PRKN: variants seen among roughly 807,000 people sequenced by gnomAD.
PRKN encodes the protein E3 ubiquitin-protein ligase parkin.
A neutral mutation model predicts 59.5 loss-of-function variants in PRKN; 56 were observed. The ratio of observed to expected loss-of-function variants is 0.94; its 90% confidence interval spans 0.76 to 1.18. The LOEUF is 1.18. Ranked by LOEUF, PRKN falls within the 50% of genes most tolerant of loss-of-function variation. PRKN has a pLI of 0.00. For missense variants in PRKN, 657 were observed against 596.4 expected, an observed-to-expected ratio of 1.10 and a Z score of -1.06; for synonymous variants, 250 against 222.1, an observed-to-expected ratio of 1.13 and a Z score of -1.12.
rs59889520 is a variant in PRKN at position 161,549,118 on chromosome 6, A to ATGTGTGTG, written c.934-123_934-116dup. ...TTAACCAGTTTCAGTAAAATAATGC[A>ATGTGTGTG]TGTGTGTGTGTGTGTGTGTGTGTAG... is the stretch of plus-strand genomic sequence containing the variant. On this transcript the variant is annotated intron_variant, in intron 8 of 11. Transcript: ENST00000366898. This position sits in a 1 kb window ranked among gnomAD's most constrained non-coding sequence, Gnocchi z 6.0. 16 of 873,220 alleles carry ATGTGTGTG rather than the reference A, an allele frequency of 1.8e-5. No homozygotes were observed. In the African/African-American group the frequency reaches 2.5e-4, roughly 14 times the overall value. The allele number at this position is 873,220 out of a possible 1,614,324, so 54.1% of individuals were successfully genotyped here. A position where few individuals can be genotyped will look rare whatever the true frequency, so the allele number is the denominator to read the frequency against.
chr6:161,438,508 G>A (rs972363965), intron 9 of PRKN, among the ~76,000 whole-genome samples: 4 of 151,980 alleles, frequency 2.6e-5, no homozygotes, highest in Non-Finnish European at 4.4e-5. Flanking sequence ...CAGCCACTGC[G>A]CCCGGCTGAA....
Position 162,584,777 on chromosome 6 carries a change from T to C in PRKN, c.8-141304A>G, listed in dbSNP as rs192777139. Among the ~76,000 whole-genome samples, 568 of 77,162 alleles carry C rather than the reference T, an allele frequency of 7.4e-3. 13 individuals are homozygous for C. Among genetic ancestry groups the C allele is most frequent in the Non-Finnish European group, 0.011 (400 of 36,896 alleles). The allele number at this position is 77,162 out of a possible 152,430, so 50.6% of individuals were successfully genotyped here. On this transcript the variant is annotated intron_variant, in intron 1 of 11. Coordinates refer to ENST00000366898, the MANE Select transcript of PRKN (RefSeq NM_004562.3). ...TTCTTTTCTTTCTCTTTTCTTTTCC[T>C]CTCCTCTCCTCTCCCCTCCCCTCCC...
chr6:162,244,303 A>T (rs923375072), intron 3 of PRKN, among the ~76,000 whole-genome samples: 1 of 152,054 alleles, frequency 6.6e-6, no homozygotes, highest in Non-Finnish European at 1.5e-5. Context: ...GGGCACATTC[A>T]ATCTTATTCT....
intron 6 of PRKN, among the ~76,000 whole-genome samples, chr6:161,848,537 C>T (rs547759567): frequency 6.6e-6 from 1 of 152,298 alleles, no homozygotes; most frequent in African/African-American, 2.4e-5. Context: ...ATAAAATCAA[C>T]TCCATCTATA....
chr6:162,317,897 G>GT (rs1312974468), intron 2 of PRKN, among the ~76,000 whole-genome samples: 4 of 151,370 alleles, frequency 2.6e-5, no homozygotes, highest in African/African-American at 7.3e-5. Context: ...TGGTTCTGAA[G>GT]TTTTTTTAAC....
At chr6:161,927,861 T>C (rs536786265) in intron 6 of PRKN, among the ~76,000 whole-genome samples, 12 of 152,118 alleles carry the variant, frequency 7.9e-5, no homozygotes, top group Non-Finnish European at 2.9e-5. Context: ...TTAGATAAAG[T>C]TACTGAAGAA....
Position 161,363,168 on chromosome 6 carries a change from G to C in PRKN, c.1168-2963C>G, listed in dbSNP as rs148750579. Among the ~76,000 whole-genome samples, 285 of 152,282 alleles carry C rather than the reference G, an allele frequency of 1.9e-3. 1 individual carries two copies. Among genetic ancestry groups the C allele is most frequent in the African/African-American group, 6.5e-3 (272 of 41,564 alleles). ...GAGGCAGGAGAAGTACCTGAACCTG[G>C]GGGGCAGAGGTTGCAGTGAGCCGAG... is the stretch of plus-strand genomic sequence containing the variant. On this transcript the variant is annotated intron_variant, in intron 10 of 11. Coordinates refer to ENST00000366898, the MANE Select transcript of PRKN (RefSeq NM_004562.3). This position sits in a 1 kb window ranked among gnomAD's most constrained non-coding sequence, Gnocchi z 4.1.
chr6:161,552,787 G>GTTGTTTTTTTTTTTTTTTTTTTTTTTTTT lies in PRKN; in HGVS notation c.934-3785_934-3784insAAAAAAAAAAAAAAAAAAAAAAAAAACAA, dbSNP rs1554275446. Among the ~76,000 whole-genome samples the GTTGTTTTTTTTTTTTTTTTTTTTTTTTTT allele has an allele frequency of 2.3e-5, 2 of 86,504 alleles. No individual in the cohort carries two copies. Among genetic ancestry groups the GTTGTTTTTTTTTTTTTTTTTTTTTTTTTT allele is most frequent in the African/African-American group, 3.9e-5 (1 of 25,794 alleles). 56.7% of individuals were successfully genotyped at this position (86,504 alleles called of 152,430 possible). On this transcript the variant is annotated intron_variant, in intron 8 of 11. Transcript: ENST00000366898. The surrounding 1 kb of genome is among the most constrained non-coding windows in gnomAD (Gnocchi z 4.9). ...TAAAAGACACCATGGTTTTGTTGTT[G>GTTGTTTTTTTTTTTTTTTTTTTTTTTTTT]TTTTTGTTTTTTGTTTTTTTTTTTT...
chr6:161,735,818 G>C (rs1787940669), intron 7 of PRKN, among the ~76,000 whole-genome samples: 1 of 152,090 alleles, frequency 6.6e-6, no homozygotes, highest in African/African-American at 2.4e-5. Flanking sequence ...GGGAGGCTGA[G>C]GCAGGAGAAT....
intron 7 of PRKN, among the ~76,000 whole-genome samples, chr6:161,758,937 G>A (rs1215811377): frequency 6.6e-6 from 1 of 152,132 alleles, no homozygotes; most frequent in Non-Finnish European, 1.5e-5. Context: ...CTAGCACTTT[G>A]GGAGGCCGAG....
chr6:162,398,389 CTT>C (rs1383186606), intron 2 of PRKN, among the ~76,000 whole-genome samples: 5 of 96,176 alleles, frequency 5.2e-5, no homozygotes, highest in Admixed American at 4.7e-4. Flanking sequence ...AGATCTTTCT[CTT>C]TTTGTTTTTT....
At chr6:162,670,044 G>T (rs1044960356) in intron 1 of PRKN, among the ~76,000 whole-genome samples, 2 of 152,130 alleles carry the variant, frequency 1.3e-5, no homozygotes, top group Non-Finnish European at 2.9e-5. Context: ...CTAAACATTT[G>T]ACAAACCTAA....
chr6:161,895,486 ATT>A, intron 6 of PRKN, among the ~76,000 whole-genome samples: 1 of 143,470 alleles, frequency 7.0e-6, no homozygotes, highest in Non-Finnish European at 1.5e-5. Context: ...GGCTTCTGAG[ATT>A]CAGGAGTACG....
At chr6:161,698,323 A>G (rs990369433) in intron 7 of PRKN, among the ~76,000 whole-genome samples, 3 of 152,162 alleles carry the variant, frequency 2.0e-5, no homozygotes, top group African/African-American at 4.8e-5. Context: ...TAACACCAAC[A>G]CATAAAAATA....
chr6:161,874,432 A>AATATATTATATGTAAAAT (rs1367403641), intron 6 of PRKN, among the ~76,000 whole-genome samples: 7 of 38,118 alleles, frequency 1.8e-4, no homozygotes, highest in Non-Finnish European at 3.7e-4. Context: ...TTATATGTAA[A>AATATATTATATGTAAAAT]ATATTATATA....
chr6:161,370,832 G>C (rs1785415037), intron 10 of PRKN, among the ~76,000 whole-genome samples: 1 of 152,200 alleles, frequency 6.6e-6, no homozygotes, highest in Non-Finnish European at 1.5e-5. Flanking sequence ...GCTTAATTCA[G>C]CTATGAATGC....
chr6:162,545,110 C>T (rs1174165718), intron 1 of PRKN, among the ~76,000 whole-genome samples: 1 of 151,334 alleles, frequency 6.6e-6, no homozygotes, highest in Non-Finnish European at 1.5e-5. Flanking sequence ...CATGGTGAAA[C>T]CCTGTCTCTA....
At chr6:161,706,483 G>A (rs983629833) in intron 7 of PRKN, among the ~76,000 whole-genome samples, 8 of 152,184 alleles carry the variant, frequency 5.3e-5, no homozygotes, top group Non-Finnish European at 7.3e-5. Context: ...CAGCAGCAAG[G>A]GTGCCTTACT....
Position 161,930,538 on chromosome 6 carries a change from T to C in PRKN, c.734+42764A>G, listed in dbSNP as rs558272096. On this transcript the variant is annotated intron_variant, in intron 6 of 11. Coordinates refer to ENST00000366898, the MANE Select transcript of PRKN (RefSeq NM_004562.3). ...TCACCTACATGGCTGAGTACCTCGT[T>C]GTAATACTAAATGTTCTTGCCCATT... 6.4e-4 allele frequency among the ~76,000 whole-genome samples: 98 copies of C among 152,354 alleles called. 1 individual carries two copies. Among genetic ancestry groups the C allele is most frequent in the African/African-American group, 2.3e-3 (96 of 41,584 alleles).
Sources: gnomAD v4.1 joint callset for allele counts (sites outside exome capture counted in the v4.1 genomes callset) on GRCh38, gnomAD v4.1.1 for gene constraint, Gnocchi (gnomAD v3.1) non-coding constraint, MANE v1.5 for transcripts, NCBI Gene and HGNC (gene_info 2026-07-23, HGNC 2026-07-21) for gene names.